LRP1-AS: variants seen among roughly 807,000 people sequenced by gnomAD.
LRP1-AS encodes the protein LRP1 antisense RNA.
chr12:57,146,005 C>A (rs2035399213), intron 1 of LRP1-AS, among the ~76,000 whole-genome samples: 1 of 152,144 alleles, frequency 6.6e-6, no homozygotes, highest in African/African-American at 2.4e-5. Context: ...TTCTCTGTGG[C>A]TTTGTGGCAG....
intron 1 of LRP1-AS, among the ~76,000 whole-genome samples, chr12:57,146,926 C>T (rs1214998524): frequency 6.6e-6 from 1 of 151,842 alleles, no homozygotes; most frequent in Non-Finnish European, 1.5e-5. Flanking sequence ...GACAGCTTGT[C>T]AGTTTCCTCC....
rs144410704 is a variant in LRP1-AS, at chr12:57,144,968, G to C, written n.297C>G. 3.3e-5 allele frequency: 53 copies of C among 1,613,118 alleles called. No individual in the cohort carries two copies. The African/African-American group carries it at 6.5e-4, about 20-fold the overall frequency. On this transcript the variant is annotated non_coding_transcript_exon_variant, in exon 2 of 2. Coordinates refer to ENST00000555461, the Ensembl canonical transcript of LRP1-AS. ...TGACCACATTCTTGCCCTTTCCTCG[G>C]CAGATTTTGATGAGTGCTCAGTGTA... is the stretch of plus-strand genomic sequence containing the variant.
At chr12:57,146,928 G>A (rs540326166) in intron 1 of LRP1-AS, among the ~76,000 whole-genome samples, 30 of 151,934 alleles carry the variant, frequency 2.0e-4, no homozygotes, top group Non-Finnish European at 2.9e-4. Flanking sequence ...CAGCTTGTCA[G>A]TTTCCTCCCC....
exon 1 of LRP1-AS, chr12:57,147,547 G>GC (rs1315839963): frequency 1.3e-5 from 2 of 152,230 alleles, no homozygotes; most frequent in East Asian, 3.9e-4. Flanking sequence ...CTCCCTGCAA[G>GC]CCTTCCATTC....
exon 2 of LRP1-AS, chr12:57,144,832 A>G: frequency 4.7e-6 from 4 of 845,470 alleles, no homozygotes; most frequent in Non-Finnish European, 7.7e-6. Context: ...AGGTTTGCAC[A>G]TTTCATGCTG....
chr12:57,145,384 G>A, intron 1 of LRP1-AS: 1 of 1,614,164 alleles, frequency 6.2e-7, no homozygotes, highest in Non-Finnish European at 8.5e-7. Context: ...TATGCTGGGT[G>A]CATGTTGGGG....
chr12:57,145,428 G>T (rs757759198), intron 1 of LRP1-AS: 3 of 1,614,088 alleles, frequency 1.9e-6, no homozygotes, highest in East Asian at 2.2e-5. Context: ...AAGTGTGCCC[G>T]CATGCCTGGC....
chr12:57,147,494 G>C (rs1476442683), exon 1 of LRP1-AS: 1 of 152,314 alleles, frequency 6.6e-6, no homozygotes, highest in Non-Finnish European at 1.5e-5. Flanking sequence ...AAGAAGAAAG[G>C]CTGCAGCTTT....
Sources: gnomAD v4.1 joint callset for allele counts (sites outside exome capture counted in the v4.1 genomes callset) on GRCh38, gnomAD v4.1.1 for gene constraint, MANE v1.5 for transcripts, NCBI Gene and HGNC (gene_info 2026-07-23, HGNC 2026-07-21) for gene names.